LMNA: variants seen among roughly 807,000 people sequenced by gnomAD.
LMNA encodes lamin.
Under a neutral mutation model 70.4 loss-of-function variants are expected in LMNA, and 20 were observed. The observed-to-expected ratio is 0.28, with a 90% CI of 0.20 to 0.41. The LOEUF (loss-of-function observed/expected upper bound fraction) is 0.41. Among genes scored for constraint, LMNA ranks in the 10% least tolerant of loss-of-function variants. The probability of loss-of-function intolerance (pLI) is 1.00; values close to 1 mark genes in which losing one functional copy is unlikely to be tolerated. For missense variants in LMNA, 652 were observed against 917.2 expected, an observed-to-expected ratio of 0.71 and a Z score of 3.73; for synonymous variants, 339 against 372.8, an observed-to-expected ratio of 0.91 and a Z score of 1.04.
chr1:156,122,020 G>T (rs1277378924), intron 1 of LMNA, among the ~76,000 whole-genome samples: 1 of 151,966 alleles, frequency 6.6e-6, no homozygotes, highest in African/African-American at 2.4e-5. Flanking sequence ...ACCAGAAATC[G>T]CTTGAACCCA....
intron 3 of LMNA, among the ~76,000 whole-genome samples, chr1:156,099,810 C>T (rs565684947): frequency 1.4e-5 from 2 of 146,534 alleles, no homozygotes; most frequent in East Asian, 4.0e-4. Context: ...TGCTTGAGCT[C>T]AGGAGGCAGA....
chr1:156,134,760 C>A lies in LMNA; in HGVS notation c.640-45C>A. On this transcript the variant is annotated intron_variant, in intron 3 of 11. Transcript: ENST00000368300. This position sits in a 1 kb window ranked among gnomAD's most constrained non-coding sequence, Gnocchi z 5.3. Reference sequence around the variant, plus strand: ...CCCCTGGGTCTTGGCCTCCCAGGAACTAATTCTGATTTTGGTTTCTGTGTC... The same window carrying A: ...CCCCTGGGTCTTGGCCTCCCAGGAAATAATTCTGATTTTGGTTTCTGTGTC... 2 of 1,613,628 alleles carry A rather than the reference C, an allele frequency of 1.2e-6. No individual in the cohort carries two copies. The highest frequency in any genetic ancestry group is 1.7e-6 in the Non-Finnish European group (2 of 1,179,668).
Position 156,137,898 on chromosome 1 carries a change from C to G in LMNA, c.1698+155C>G. On this transcript the variant is annotated intron_variant, in intron 10 of 11. Transcript: ENST00000368300. The surrounding 1 kb of genome is among the most constrained non-coding windows in gnomAD (Gnocchi z 4.6). ...GGCCTGGCCTTTCTTCTCTCTCCTC[C>G]CTATACCTTGAACAGGGAACCCAGG... 1 of 1,481,154 alleles carries G rather than the reference C, an allele frequency of 6.8e-7. No homozygotes were observed. Among genetic ancestry groups the G allele is most frequent in the Non-Finnish European group, 9.0e-7 (1 of 1,112,944 alleles). The allele number at this position is 1,481,154 out of a possible 1,614,324, so 91.8% of individuals were successfully genotyped here.
intron 2 of LMNA, among the ~76,000 whole-genome samples, chr1:156,087,312 C>T (rs532702573): frequency 1.4e-5 from 2 of 148,076 alleles, no homozygotes; most frequent in African/African-American, 2.5e-5. Flanking sequence ...GGCGCCATCT[C>T]GGCTCACTGC....
rs1256350040 is a variant in LMNA, at chr1:156,129,850, A to T, written c.357-767A>T. ...AGGGAGGCTTAAAGCTGGGGCCCAG[A>T]TGGACCTGGAGGCCTGGGATCCACA... On this transcript the variant is annotated intron_variant, in intron 1 of 11. Transcript: ENST00000368300. 5 of 770,980 alleles carry T rather than the reference A, an allele frequency of 6.5e-6. No individual in the cohort carries two copies. The East Asian group carries it at 9.7e-5, about 15-fold the overall frequency. The allele number at this position is 770,980 out of a possible 1,614,324, so 47.8% of individuals were successfully genotyped here.
chr1:156,134,838 C>G lies in LMNA; in HGVS notation c.673C>G (p.Arg225Gly). 6.2e-7 allele frequency: 1 copy of G among 1,614,200 alleles called. No homozygotes were observed. Among genetic ancestry groups the G allele is most frequent in the Non-Finnish European group, 8.5e-7 (1 of 1,180,032 alleles). The part of the protein sequence containing the change: ...LRETKRRHET[R>G]LVEIDNGKQR... ...TGAGACCAAGCGCCGTCATGAGACCCGACTGGTGGAGATTGACAATGGGAA... is the reference window on the plus strand; with the variant it reads ...TGAGACCAAGCGCCGTCATGAGACCGGACTGGTGGAGATTGACAATGGGAA... Residue 225 changes from arginine to glycine, a missense_variant, in exon 4 of 12, where the codon CGA (arginine) becomes GGA (glycine). Coordinates refer to ENST00000368300, the MANE Select transcript of LMNA (RefSeq NM_170707.4). This position sits in a 1 kb window ranked among gnomAD's most constrained non-coding sequence, Gnocchi z 5.3.
intron 1 of LMNA, chr1:156,126,209 GA>G (rs1206364002): frequency 1.3e-6 from 2 of 1,524,888 alleles, no homozygotes; most frequent in African/African-American, 2.8e-5. Context: ...TGGCAATGGG[GA>G]ACTCTGAGGG....
intron 1 of LMNA, among the ~76,000 whole-genome samples, chr1:156,130,083 C>T (rs981388157): frequency 1.3e-5 from 2 of 152,128 alleles, no homozygotes; most frequent in African/African-American, 4.8e-5. Flanking sequence ...ACTTTCCTTC[C>T]CCACAGTCCC....
chr1:156,121,798 T>C (rs552273981), intron 1 of LMNA, among the ~76,000 whole-genome samples: 6 of 152,202 alleles, frequency 3.9e-5, no homozygotes, highest in South Asian at 2.1e-4. Flanking sequence ...AGTGTACTGA[T>C]AGGCCGAACT....
At chr1:156,104,989 G>A (rs1485560820) in intron 3 of LMNA, among the ~76,000 whole-genome samples, 2 of 152,184 alleles carry the variant, frequency 1.3e-5, no homozygotes, top group Non-Finnish European at 2.9e-5. Flanking sequence ...GCCTGAGCGG[G>A]CCAGGGCCTG....
At chr1:156,122,774 G>A (rs989393012) in intron 1 of LMNA, among the ~76,000 whole-genome samples, 14 of 152,180 alleles carry the variant, frequency 9.2e-5, no homozygotes, top group Admixed American at 9.2e-4. Flanking sequence ...GCCTGGAACC[G>A]GGGGGAGGGG....
chr1:156,126,947 C>A, intron 1 of LMNA: 2 of 1,544,042 alleles, frequency 1.3e-6, no homozygotes, highest in East Asian at 4.7e-5. Flanking sequence ...GACCCCTGCC[C>A]GGGTATTGTG....
chr1:156,124,412 C>A (rs577982017), intron 1 of LMNA, among the ~76,000 whole-genome samples: 2 of 152,130 alleles, frequency 1.3e-5, no homozygotes, highest in African/African-American at 4.8e-5. Context: ...CCTCAGCCTC[C>A]CAAGTAGCTG....
chr1:156,098,420 A>C (rs992674367), intron 3 of LMNA, among the ~76,000 whole-genome samples: 6 of 152,262 alleles, frequency 3.9e-5, no homozygotes, highest in African/African-American at 1.2e-4. Context: ...GTAGATGAAC[A>C]GATGGAGTGA....
chr1:156,097,748 G>A (rs1263373679), intron 3 of LMNA, among the ~76,000 whole-genome samples: 4 of 152,330 alleles, frequency 2.6e-5, no homozygotes, highest in Admixed American at 2.0e-4. Context: ...TGCCCTATGC[G>A]AGCCCAACAC....
Position 156,136,637 on chromosome 1 carries a change from T to C in LMNA, c.1380+201T>C. 2.9e-6 allele frequency: 2 copies of C among 680,422 alleles called. No homozygotes were observed. The highest frequency in any genetic ancestry group is 2.6e-6 in the Non-Finnish European group (1 of 383,610). 42.1% of individuals were successfully genotyped at this position (680,422 alleles called of 1,614,324 possible). A position where few individuals can be genotyped will look rare whatever the true frequency, so the allele number is the denominator to read the frequency against. On this transcript the variant is annotated intron_variant, in intron 7 of 11. Coordinates refer to ENST00000368300, the MANE Select transcript of LMNA (RefSeq NM_170707.4). This position sits in a 1 kb window ranked among gnomAD's most constrained non-coding sequence, Gnocchi z 6.1. ...GAGACCTTGAGCAGGTTATTTAACC[T>C]CTCAGAGCATCAGTTTCCTCATCTG...
Position 156,136,198 on chromosome 1 carries a change from G to A in LMNA, c.1158-16G>A. 6.2e-7 allele frequency: 1 copy of A among 1,612,898 alleles called. No individual in the cohort carries two copies. Among genetic ancestry groups the A allele is most frequent in the East Asian group, 2.2e-5 (1 of 44,880 alleles). On this transcript the variant is annotated splice_polypyrimidine_tract_variant and intron_variant, in intron 6 of 11. Transcript: ENST00000368300. This position sits in a 1 kb window ranked among gnomAD's most constrained non-coding sequence, Gnocchi z 6.1. ...CTGGCCTTGACTAGACCCCCACTTGGTCTCCCTCTCCCCAGGCTACGCCTG... is the reference window on the plus strand; with the variant it reads ...CTGGCCTTGACTAGACCCCCACTTGATCTCCCTCTCCCCAGGCTACGCCTG...
chr1:156,110,344 T>G (rs1047671452), upstream of LMNA, among the ~76,000 whole-genome samples: 3 of 152,226 alleles, frequency 2.0e-5, no homozygotes, highest in African/African-American at 4.8e-5. Context: ...AATAAATATT[T>G]GTTGAATGAA....
At position 156,134,259 on chromosome 1, in the gene LMNA, C is replaced by T; in HGVS notation, c.514-144C>T. 1.2e-6 allele frequency: 1 copy of T among 823,584 alleles called. No individual in the cohort carries two copies. The highest frequency in any genetic ancestry group is 2.0e-6 in the Non-Finnish European group (1 of 496,832). The allele number at this position is 823,584 out of a possible 1,614,324, so 51.0% of individuals were successfully genotyped here. A position where few individuals can be genotyped will look rare whatever the true frequency, so the allele number is the denominator to read the frequency against. On this transcript the variant is annotated intron_variant, in intron 2 of 11. Coordinates refer to ENST00000368300, the MANE Select transcript of LMNA (RefSeq NM_170707.4). The surrounding 1 kb of genome is among the most constrained non-coding windows in gnomAD (Gnocchi z 5.3). ...AGAGTGAGTGAGTAGATGTCCTGAC[C>T]CCTGCAGGCATCCAAGGCCCTCCTT...
Sources: allele counts gnomAD v4.1 joint callset (sites outside exome capture counted in the v4.1 genomes callset), GRCh38; gene constraint gnomAD v4.1.1; non-coding constraint Gnocchi (gnomAD v3.1); transcripts MANE v1.5; gene names NCBI Gene and HGNC (gene_info 2026-07-23, HGNC 2026-07-21).